PHF14: variants seen among roughly 807,000 people sequenced by gnomAD.
PHF14 encodes the protein PHD finger protein 14.
In PHF14, 55 loss-of-function variants were observed where a neutral mutation model predicts 117.9. That is an observed-to-expected ratio of 0.47 (90% CI 0.38 to 0.58). The LOEUF (loss-of-function observed/expected upper bound fraction) is 0.58. PHF14 is among the 20% of genes least tolerant of loss of function. PHF14 has a pLI of 0.00. For synonymous variants in PHF14, 409 were observed against 368.6 expected (o/e 1.11, Z -1.26); for missense variants, 978 against 1,122.2 (o/e 0.87, Z 1.84).
intron 17 of PHF14, among the ~76,000 whole-genome samples, chr7:11,129,548 C>CTTTTTTTTTTT (rs71023891): frequency 7.5e-6 from 1 of 133,460 alleles, no homozygotes; most frequent in Non-Finnish European, 1.7e-5. Context: ...GTGTATGTTT[C>CTTTTTTTTTTT]TTTTTTTTTT....
chr7:11,120,980 T>C (rs1787735577), intron 17 of PHF14, among the ~76,000 whole-genome samples: 1 of 152,136 alleles, frequency 6.6e-6, no homozygotes, highest in African/African-American at 2.4e-5. Context: ...TCAAGGTCAT[T>C]AAAACTGTAA....
chr7:11,066,750 A>G (rs1583430074), intron 16 of PHF14, among the ~76,000 whole-genome samples: 2 of 152,198 alleles, frequency 1.3e-5, no homozygotes, highest in African/African-American at 2.4e-5. Flanking sequence ...GCTTATTTCT[A>G]GACTTTCTAT....
At chr7:11,042,259 C>T (rs1347354989) in intron 12 of PHF14, among the ~76,000 whole-genome samples, 2 of 151,710 alleles carry the variant, frequency 1.3e-5, no homozygotes, top group African/African-American at 4.8e-5. Flanking sequence ...AATAAACTAC[C>T]TTCTGTTTGT....
intron 3 of PHF14, among the ~76,000 whole-genome samples, chr7:10,986,078 C>G (rs1289949709): frequency 6.6e-6 from 1 of 152,026 alleles, no homozygotes; most frequent in Non-Finnish European, 1.5e-5. Flanking sequence ...AGGCAATTCT[C>G]CCACCTCAGC....
In PHF14 at chr7:11,130,642, T is replaced by C. The variant is rs535677071; in HGVS notation, c.2772+19175T>C. Among the ~76,000 whole-genome samples the C allele has an allele frequency of 6.2e-4, 95 of 152,146 alleles. 1 individual carries two copies. The highest frequency in any genetic ancestry group is 2.2e-3 in the African/African-American group (93 of 41,552). ...ATCTTGCATTCATGTGGTACATTTG[T>C]TAAAAATTGATGAGCCAGTATTGAT... On this transcript the variant is annotated intron_variant, in intron 17 of 17. Coordinates refer to ENST00000634607, the MANE Select transcript of PHF14 (RefSeq NM_001007157.2). This position sits in a 1 kb window ranked among gnomAD's most constrained non-coding sequence, Gnocchi z 4.2.
At chr7:11,022,005 A>G (rs1013935843) in intron 5 of PHF14, among the ~76,000 whole-genome samples, 1 of 152,188 alleles carries the variant, frequency 6.6e-6, no homozygotes, top group Middle Eastern at 3.4e-3. Flanking sequence ...CTTTCTTACA[A>G]AAGTGCTAAG....
intron 12 of PHF14, among the ~76,000 whole-genome samples, chr7:11,042,160 A>G (rs1364779929): frequency 2.0e-5 from 3 of 151,994 alleles, no homozygotes; most frequent in African/African-American, 7.2e-5. Context: ...TTTAAAACGC[A>G]AAATTCAGTA....
chr7:11,034,111 G>C (rs759029550), intron 7 of PHF14, among the ~76,000 whole-genome samples: 2 of 152,028 alleles, frequency 1.3e-5, no homozygotes, highest in Non-Finnish European at 2.9e-5. Flanking sequence ...TCACACTACA[G>C]AATTGCCTCA....
At chr7:11,025,744 G>A (rs1367599477) in intron 6 of PHF14, among the ~76,000 whole-genome samples, 2 of 152,048 alleles carry the variant, frequency 1.3e-5, no homozygotes, top group African/African-American at 2.4e-5. Context: ...GCAGTGAGCC[G>A]AGATCGTGCC....
chr7:11,129,187 A>T (rs1459559855), intron 17 of PHF14, among the ~76,000 whole-genome samples: 7 of 152,052 alleles, frequency 4.6e-5, no homozygotes, highest in Non-Finnish European at 1.5e-5. Context: ...ATTTTGCCAA[A>T]TGGCAGTAGA....
At chr7:11,046,207 C>G (rs1057403270) in intron 13 of PHF14, among the ~76,000 whole-genome samples, 1 of 152,120 alleles carries the variant, frequency 6.6e-6, no homozygotes, top group African/African-American at 2.4e-5. Context: ...TGTACAATCT[C>G]CACACTGCCT....
At chr7:11,112,537 C>T (rs1303420792) in intron 17 of PHF14, among the ~76,000 whole-genome samples, 1 of 151,648 alleles carries the variant, frequency 6.6e-6, no homozygotes, top group Non-Finnish European at 1.5e-5. Context: ...TTTGGGAGGT[C>T]GAGGGAGGTG....
At chr7:11,086,579 TC>T (rs1312800158) in intron 16 of PHF14, among the ~76,000 whole-genome samples, 1 of 152,280 alleles carries the variant, frequency 6.6e-6, no homozygotes, top group African/African-American at 2.4e-5. Flanking sequence ...ATATTCCAGG[TC>T]CGAAGCCAAT....
At chr7:11,166,672 G>A (rs1331349299) in intron 17 of PHF14, among the ~76,000 whole-genome samples, 1 of 152,062 alleles carries the variant, frequency 6.6e-6, no homozygotes, top group South Asian at 2.1e-4. Flanking sequence ...TTATACTCTA[G>A]CAATTAGAGT....
At position 11,149,334 on chromosome 7, in the gene PHF14, A is replaced by G. The variant is rs112484055; in HGVS notation, c.2773-20082A>G. On this transcript the variant is annotated intron_variant, in intron 17 of 17. Transcript: ENST00000634607. ...TCGTCATGGCAAACAATTCCTGACT[A>G]CAACTTAGGAGACATAAATTCAGAT... Among the ~76,000 whole-genome samples, 54 of 152,268 alleles carry G rather than the reference A, an allele frequency of 3.5e-4. 1 individual carries two copies. Among genetic ancestry groups the G allele is most frequent in the African/African-American group, 1.3e-3 (53 of 41,564 alleles).
chr7:11,102,767 C>CT lies in PHF14; in HGVS notation c.2655-8576dup, dbSNP rs57022517. On this transcript the variant is annotated intron_variant, in intron 16 of 17. Coordinates refer to ENST00000634607, the MANE Select transcript of PHF14 (RefSeq NM_001007157.2). ...TTTTTTCCTATTTTTCTTCTTTTTG[C>CT]TTTTTTTGCACTTATCAGAAATATT... 3,904 of 1,379,656 alleles carry CT rather than the reference C, an allele frequency of 2.8e-3. 85 individuals carry two copies. The African/African-American group carries it at 0.052, about 18-fold the overall frequency. 85.5% of individuals were successfully genotyped at this position (1,379,656 alleles called of 1,614,324 possible).
At chr7:11,019,115 G>A (rs1047229998) in intron 5 of PHF14, among the ~76,000 whole-genome samples, 2 of 152,120 alleles carry the variant, frequency 1.3e-5, no homozygotes, top group Non-Finnish European at 2.9e-5. Context: ...TCTTTCTAAC[G>A]TATTGTTAAA....
At chr7:11,138,947 C>G (rs1338135870) in intron 17 of PHF14, among the ~76,000 whole-genome samples, 4 of 152,016 alleles carry the variant, frequency 2.6e-5, no homozygotes, top group African/African-American at 9.7e-5. Flanking sequence ...GATGATATTT[C>G]TAAAACAAAT....
chr7:11,026,647 A>G (rs1199475844), intron 6 of PHF14, among the ~76,000 whole-genome samples: 1 of 151,726 alleles, frequency 6.6e-6, no homozygotes, highest in Non-Finnish European at 1.5e-5. Flanking sequence ...GTTTTTCTGT[A>G]TGGGTATGAT....
Sources: gnomAD v4.1 joint callset for allele counts (sites outside exome capture counted in the v4.1 genomes callset) on GRCh38, gnomAD v4.1.1 for gene constraint, Gnocchi (gnomAD v3.1) non-coding constraint, MANE v1.5 for transcripts, NCBI Gene and HGNC (gene_info 2026-07-23, HGNC 2026-07-21) for gene names.